COL25A1: variants seen among roughly 807,000 people sequenced by gnomAD.
COL25A1 encodes collagen alpha-1(XXV) chain.
In COL25A1, 103 loss-of-function variants were observed where a neutral mutation model predicts 128.4. The ratio of observed to expected loss-of-function variants is 0.80; its 90% CI spans 0.68 to 0.94. The LOEUF is 0.94. COL25A1 is among the 40% of genes least tolerant of loss of function. COL25A1 has a pLI of 0.00. For synonymous variants in COL25A1, 279 were observed against 277.2 expected (o/e 1.01, Z -0.06); for missense variants, 745 against 840.0 (o/e 0.89, Z 1.40).
intron 3 of COL25A1, among the ~76,000 whole-genome samples, chr4:109,271,479 T>C (rs1247123919): frequency 6.6e-6 from 1 of 152,256 alleles, no homozygotes; most frequent in Non-Finnish European, 1.5e-5. Context: ...ACTTAGGTGA[T>C]GAAGCACTCC....
intron 8 of COL25A1, among the ~76,000 whole-genome samples, chr4:108,958,834 T>G (rs1750353880): frequency 6.6e-6 from 1 of 152,100 alleles, no homozygotes; most frequent in South Asian, 2.1e-4. Flanking sequence ...TAAACTATAC[T>G]AATTTTAATC....
At chr4:108,840,329 T>G (rs1273121981) in intron 31 of COL25A1, among the ~76,000 whole-genome samples, 3 of 151,248 alleles carry the variant, frequency 2.0e-5, no homozygotes, top group African/African-American at 4.9e-5. Context: ...AAACGACTAC[T>G]AAGATCACAA....
At chr4:109,278,407 A>C (rs917594141) in intron 3 of COL25A1, among the ~76,000 whole-genome samples, 2 of 152,210 alleles carry the variant, frequency 1.3e-5, no homozygotes, top group Admixed American at 1.3e-4. Flanking sequence ...TGGATGCCTT[A>C]AATTATTAAT....
At chr4:109,291,973 A>G (rs557317097) in intron 3 of COL25A1, among the ~76,000 whole-genome samples, 11 of 152,148 alleles carry the variant, frequency 7.2e-5, no homozygotes, top group Non-Finnish European at 1.6e-4. Flanking sequence ...ATTTGAATAC[A>G]TAATTTTACT....
At chr4:109,112,847 CTT>C (rs1208741969) in intron 3 of COL25A1, among the ~76,000 whole-genome samples, 2 of 152,072 alleles carry the variant, frequency 1.3e-5, no homozygotes, top group African/African-American at 4.8e-5. Flanking sequence ...AGAGGTAAAA[CTT>C]TGCCAAGAAT....
intron 3 of COL25A1, among the ~76,000 whole-genome samples, chr4:109,115,857 C>A (rs1270477000): frequency 6.6e-6 from 1 of 151,972 alleles, no homozygotes; most frequent in East Asian, 1.9e-4. Context: ...GCCAAGATGA[C>A]ATCTCAATAC....
At chr4:109,041,485 AG>A (rs1487905110) in intron 5 of COL25A1, among the ~76,000 whole-genome samples, 1 of 152,070 alleles carries the variant, frequency 6.6e-6, no homozygotes, top group African/African-American at 2.4e-5. Flanking sequence ...ATTATTCCCA[AG>A]TGATACACCA....
At chr4:108,857,032 C>T (rs964388582) in intron 24 of COL25A1, among the ~76,000 whole-genome samples, 1 of 152,046 alleles carries the variant, frequency 6.6e-6, no homozygotes, top group African/African-American at 2.4e-5. Context: ...CCATTTTAGA[C>T]TAAGGATAGC....
At chr4:109,027,930 G>A (rs192336280) in intron 5 of COL25A1, among the ~76,000 whole-genome samples, 8 of 152,252 alleles carry the variant, frequency 5.3e-5, no homozygotes, top group Admixed American at 1.3e-4. Flanking sequence ...ATGTGCAAAC[G>A]TTGAATAGAT....
At chr4:108,923,987 T>C (rs998383937) in intron 11 of COL25A1, among the ~76,000 whole-genome samples, 3 of 152,194 alleles carry the variant, frequency 2.0e-5, no homozygotes, top group African/African-American at 4.8e-5. Flanking sequence ...ATAATTTCTT[T>C]GCATATATCT....
At chr4:108,861,037 A>C (rs980430073) in intron 22 of COL25A1, 66 bp from the exon 23 acceptor site, 70 of 1,378,530 alleles carry the variant, frequency 5.1e-5, no homozygotes, top group Non-Finnish European at 6.9e-5. Flanking sequence ...TCGTGTAAGA[A>C]CATGTTTATG....
intron 31 of COL25A1, among the ~76,000 whole-genome samples, chr4:108,837,733 A>C (rs1012910793): frequency 6.6e-6 from 1 of 152,230 alleles, no homozygotes; most frequent in African/African-American, 2.4e-5. Flanking sequence ...AAAACAGTTG[A>C]GGAAGCATTT....
intron 3 of COL25A1, among the ~76,000 whole-genome samples, chr4:109,071,657 C>G (rs1033784552): frequency 7.9e-5 from 12 of 152,120 alleles, no homozygotes; most frequent in African/African-American, 2.9e-4. Flanking sequence ...AGACACTTCT[C>G]AAAAGAAGAC....
intron 3 of COL25A1, among the ~76,000 whole-genome samples, chr4:109,247,128 C>T (rs1038656211): frequency 6.6e-6 from 1 of 152,138 alleles, no homozygotes; most frequent in African/African-American, 2.4e-5. Context: ...CTTTGGGAGG[C>T]CGAGGCGGGT....
intron 6 of COL25A1, among the ~76,000 whole-genome samples, chr4:108,979,826 C>G (rs1578962545): frequency 1.3e-5 from 2 of 152,260 alleles, no homozygotes; most frequent in South Asian, 4.1e-4. Context: ...AATATAATCA[C>G]AATCAGTGGA....
In COL25A1 at chr4:108,810,972, C is replaced by T. The variant is rs1408865498; in HGVS notation, c.*2955G>A. On this transcript the variant is annotated 3_prime_UTR_variant, in exon 38 of 38. Coordinates refer to ENST00000399132, the MANE Select transcript of COL25A1 (RefSeq NM_198721.4). ...ACAATTTTAAATCTAAAACACATAT[C>T]AATTTGCTATCCTTCAATGTTTTAT... 1 of 151,998 alleles carries T rather than the reference C, an allele frequency of 6.6e-6. No individual in the cohort carries two copies. Among genetic ancestry groups the T allele is most frequent in the African/African-American group, 2.4e-5 (1 of 41,444 alleles). 9.4% of individuals were successfully genotyped at this position (151,998 alleles called of 1,614,324 possible).
At chr4:109,277,052 T>C (rs1430686504) in intron 3 of COL25A1, among the ~76,000 whole-genome samples, 1 of 152,222 alleles carries the variant, frequency 6.6e-6, no homozygotes, top group African/African-American at 2.4e-5. Flanking sequence ...ACTGCTCTAG[T>C]TTGTAACCAC....
intron 6 of COL25A1, among the ~76,000 whole-genome samples, chr4:108,989,500 G>C (rs80260754): frequency 0.011 from 1,750 of 152,182 alleles, 40 homozygotes; most frequent in African/African-American, 0.04. Context: ...CATCAGCTTT[G>C]ACTTGTCTTC....
At chr4:108,945,400 T>C (rs979315839) in intron 8 of COL25A1, among the ~76,000 whole-genome samples, 1 of 152,240 alleles carries the variant, frequency 6.6e-6, no homozygotes, top group South Asian at 2.1e-4. Flanking sequence ...TGACACCTTA[T>C]GGCTTTGTGT....
Sources: allele counts gnomAD v4.1 joint callset (sites outside exome capture counted in the v4.1 genomes callset), GRCh38; gene constraint gnomAD v4.1.1; transcripts MANE v1.5; gene names NCBI Gene and HGNC (gene_info 2026-07-23, HGNC 2026-07-21).